GALNT18: variants seen among roughly 807,000 people sequenced by gnomAD.
The protein encoded by GALNT18 is polypeptide N-acetylgalactosaminyltransferase 18.
A neutral mutation model predicts 69.5 loss-of-function variants in GALNT18; 44 were observed. The ratio of observed to expected loss-of-function variants is 0.63; its 90% CI spans 0.50 to 0.81. The LOEUF is 0.81. Among genes scored for constraint, GALNT18 ranks in the 40% least tolerant of loss-of-function variants. The pLI is 0.00. For missense variants in GALNT18, 715 were observed against 810.0 expected (o/e 0.88, Z 1.42); for synonymous variants, 364 against 318.2 (o/e 1.14, Z -1.53).
intron 3 of GALNT18, among the ~76,000 whole-genome samples, chr11:11,409,436 G>C (rs1854676274): frequency 6.6e-6 from 1 of 152,128 alleles, no homozygotes; most frequent in Non-Finnish European, 1.5e-5. Flanking sequence ...GAGAGAGTTT[G>C]GGACTCCACC....
intron 9 of GALNT18, among the ~76,000 whole-genome samples, chr11:11,303,714 G>T (rs1316351137): frequency 6.6e-6 from 1 of 152,170 alleles, no homozygotes; most frequent in Non-Finnish European, 1.5e-5. Context: ...GACACCTGAG[G>T]TCCCTGCAAG....
intron 1 of GALNT18, among the ~76,000 whole-genome samples, chr11:11,549,763 T>C (rs1300214169): frequency 2.0e-5 from 3 of 152,218 alleles, no homozygotes; most frequent in Non-Finnish European, 4.4e-5. Context: ...GCTGGGACCC[T>C]AAGCATTGAC....
Position 11,372,642 on chromosome 11 carries a change from G to A in GALNT18, c.978-13C>T, listed in dbSNP as rs1850937393. The A allele has an allele frequency of 1.9e-6, 3 of 1,609,160 alleles. No individual in the cohort carries two copies. The highest frequency in any genetic ancestry group is 2.7e-5 in the African/African-American group (2 of 74,992). On this transcript the variant is annotated splice_polypyrimidine_tract_variant and intron_variant, in intron 5 of 10. Transcript: ENST00000227756. The surrounding 1 kb of genome is among the most constrained non-coding windows in gnomAD (Gnocchi z 4.9). ...GAGGGCAGGGCTCCTGCAGGGGCAG[G>A]GGAGAGCAGAAGGGCTGTCTGGTGC...
At chr11:11,419,236 C>G (rs1367538610) in intron 3 of GALNT18, among the ~76,000 whole-genome samples, 2 of 152,178 alleles carry the variant, frequency 1.3e-5, no homozygotes, top group Non-Finnish European at 2.9e-5. Flanking sequence ...GGTAAAAACC[C>G]TTCCTGCTCA....
chr11:11,563,212 T>A lies in GALNT18; in HGVS notation c.235+58147A>T, dbSNP rs895899242. On this transcript the variant is annotated intron_variant, in intron 1 of 10. Coordinates refer to ENST00000227756, the MANE Select transcript of GALNT18 (RefSeq NM_198516.3). This position sits in a 1 kb window ranked among gnomAD's most constrained non-coding sequence, Gnocchi z 4.6. ...CAAATGTGTCCTCCCCAAGCCATAA[T>A]GTGGCTGTTCACCTTGCACCTCCCC... 6.6e-6 allele frequency among the ~76,000 whole-genome samples: 1 copy of A among 152,188 alleles called. No homozygotes were observed. Among genetic ancestry groups the A allele is most frequent in the African/African-American group, 2.4e-5 (1 of 41,446 alleles).
chr11:11,524,938 A>G (rs1857485589), intron 1 of GALNT18, among the ~76,000 whole-genome samples: 2 of 152,156 alleles, frequency 1.3e-5, no homozygotes, highest in Non-Finnish European at 2.9e-5. Flanking sequence ...AAGCAATAGG[A>G]AAGGAGAGAG....
At chr11:11,530,234 C>T (rs1417731543) in intron 1 of GALNT18, among the ~76,000 whole-genome samples, 7 of 152,162 alleles carry the variant, frequency 4.6e-5, no homozygotes, top group Non-Finnish European at 1.0e-4. Flanking sequence ...CCCCTGGATT[C>T]CTGCCATCTT....
rs79727416 is a variant in GALNT18 at position 11,320,917 on chromosome 11, T to C, written c.1512+6169A>G. On this transcript the variant is annotated intron_variant, in intron 9 of 10. Coordinates refer to ENST00000227756, the MANE Select transcript of GALNT18 (RefSeq NM_198516.3). This position sits in a 1 kb window ranked among gnomAD's most constrained non-coding sequence, Gnocchi z 4.9. ...AACCTCCCTACACAGCACTGCTAGT[T>C]GTGCATCTGAGCATGGCCTGGCGTG... is the stretch of plus-strand genomic sequence containing the variant. Among the ~76,000 whole-genome samples the C allele has an allele frequency of 0.021, 3,143 of 152,248 alleles. 54 individuals are homozygous for C. Among genetic ancestry groups the C allele is most frequent in the Middle Eastern group, 0.054 (16 of 294 alleles).
chr11:11,512,033 G>A (rs4511270), intron 1 of GALNT18, among the ~76,000 whole-genome samples: 146,199 of 152,326 alleles, frequency 0.96, 70,282 homozygotes, highest in Non-Finnish European at 0.99. Flanking sequence ...ATGTTTACAT[G>A]TATACATATA....
intron 1 of GALNT18, among the ~76,000 whole-genome samples, chr11:11,565,057 A>T (rs1453861204): frequency 6.6e-6 from 1 of 152,196 alleles, no homozygotes; most frequent in Admixed American, 6.5e-5. Context: ...ATTAGTGAAC[A>T]CTGCAAGTGA....
chr11:11,577,119 T>C (rs1003080244), intron 1 of GALNT18, among the ~76,000 whole-genome samples: 2 of 152,218 alleles, frequency 1.3e-5, no homozygotes, highest in Non-Finnish European at 2.9e-5. Flanking sequence ...GGGATGATGA[T>C]ACTTACCTCA....
chr11:11,280,286 G>T (rs1195732573), intron 10 of GALNT18, among the ~76,000 whole-genome samples: 3 of 152,154 alleles, frequency 2.0e-5, no homozygotes, highest in Admixed American at 6.5e-5. Context: ...GGGGCCCTTG[G>T]ACAAGCCTAG....
intron 10 of GALNT18, among the ~76,000 whole-genome samples, chr11:11,275,706 T>A (rs1848929484): frequency 6.6e-6 from 1 of 152,234 alleles, no homozygotes; most frequent in Non-Finnish European, 1.5e-5. Flanking sequence ...AGTTGATTTT[T>A]GTAGAAGATG....
chr11:11,282,679 T>C (rs1190255434), intron 10 of GALNT18, among the ~76,000 whole-genome samples: 1 of 152,132 alleles, frequency 6.6e-6, no homozygotes, highest in Non-Finnish European at 1.5e-5. Context: ...AAGGATCACC[T>C]CAACGAGCTT....
rs1376203160 is a variant in GALNT18 at position 11,620,020 on chromosome 11, A to G, written c.235+1339T>C. ...CCCTCCTGGAAAGGAACTATTCTGGACACCTGGGGAAACACCAAATTCAGA... is the reference window on the plus strand; with the variant it reads ...CCCTCCTGGAAAGGAACTATTCTGGGCACCTGGGGAAACACCAAATTCAGA... On this transcript the variant is annotated intron_variant, in intron 1 of 10. Transcript: ENST00000227756. This position sits in a 1 kb window ranked among gnomAD's most constrained non-coding sequence, Gnocchi z 6.9. 2.0e-5 allele frequency among the ~76,000 whole-genome samples: 3 copies of G among 152,072 alleles called. No individual in the cohort carries two copies. The highest frequency in any genetic ancestry group is 7.2e-5 in the African/African-American group (3 of 41,386).
At chr11:11,276,082 G>A (rs1228207574) in intron 10 of GALNT18, among the ~76,000 whole-genome samples, 1 of 152,218 alleles carries the variant, frequency 6.6e-6, no homozygotes, top group African/African-American at 2.4e-5. Context: ...GTCAGTGGTA[G>A]CTTGATGGGG....
intron 3 of GALNT18, among the ~76,000 whole-genome samples, chr11:11,411,938 A>G (rs1375779811): frequency 6.6e-6 from 1 of 152,160 alleles, no homozygotes; most frequent in African/African-American, 2.4e-5. Context: ...TCTGGGCCAT[A>G]TTGGGGAATG....
intron 10 of GALNT18, among the ~76,000 whole-genome samples, chr11:11,288,661 G>A (rs1486136924): frequency 6.6e-6 from 1 of 152,194 alleles, no homozygotes; most frequent in Non-Finnish European, 1.5e-5. Context: ...TCAGAGTCCT[G>A]CACATCAGCG....
rs1379219289 is a variant in GALNT18 at position 11,601,959 on chromosome 11, CTGTT to C, written c.235+19396_235+19399del. Among the ~76,000 whole-genome samples, 2 of 152,150 alleles carry C rather than the reference CTGTT, an allele frequency of 1.3e-5. No individual in the cohort carries two copies. Among genetic ancestry groups the C allele is most frequent in the African/African-American group, 2.4e-5 (1 of 41,418 alleles). The stretch of plus-strand genomic sequence containing the variant: ...TGCTAGGTCGTCTAGCTGGCCTACT[CTGTT>C]TGTTTTGTTGCTATTATGGAGCTAC... On this transcript the variant is annotated intron_variant, in intron 1 of 10. Coordinates refer to ENST00000227756, the MANE Select transcript of GALNT18 (RefSeq NM_198516.3). This position sits in a 1 kb window ranked among gnomAD's most constrained non-coding sequence, Gnocchi z 4.0.
Sources: gnomAD v4.1 joint callset for allele counts (sites outside exome capture counted in the v4.1 genomes callset) on GRCh38, gnomAD v4.1.1 for gene constraint, Gnocchi (gnomAD v3.1) non-coding constraint, MANE v1.5 for transcripts, NCBI Gene and HGNC (gene_info 2026-07-23, HGNC 2026-07-21) for gene names.